RBFOX1: variants seen among roughly 807,000 people sequenced by gnomAD.
RBFOX1 encodes the protein RNA binding protein fox-1 homolog 1.
RBFOX1 carries 8 observed loss-of-function variants against 57.7 expected under a neutral mutation model. That is an observed-to-expected ratio of 0.14 (90% CI 0.08 to 0.25). RBFOX1 has a LOEUF of 0.25. RBFOX1 is among the 10% of genes least tolerant of loss of function. The pLI, the probability that RBFOX1 is intolerant of heterozygous loss-of-function variation, is 1.00. For synonymous variants in RBFOX1, 326 were observed against 222.4 expected, an observed-to-expected ratio of 1.47 and a Z score of -4.15; for missense variants, 611 against 548.5, an observed-to-expected ratio of 1.11 and a Z score of -1.14.
At chr16:6,585,910 A>G (rs1037592926) in intron 2 of RBFOX1, among the ~76,000 whole-genome samples, 4 of 152,214 alleles carry the variant, frequency 2.6e-5, no homozygotes, top group African/African-American at 4.8e-5. Flanking sequence ...AGTAGAGATC[A>G]TACGCAATTA....
intron 2 of RBFOX1, among the ~76,000 whole-genome samples, chr16:5,591,162 A>C (rs911584226): frequency 6.6e-6 from 1 of 152,158 alleles, no homozygotes; most frequent in Admixed American, 6.6e-5. Flanking sequence ...ATTTTCCTCA[A>C]TAATACATGC....
chr16:7,006,868 T>C (rs2093335717), intron 3 of RBFOX1, among the ~76,000 whole-genome samples: 1 of 152,232 alleles, frequency 6.6e-6, no homozygotes, highest in African/African-American at 2.4e-5. Flanking sequence ...CCTGCCATTT[T>C]CTGTCTGAGC....
chr16:7,106,016 C>G (rs1175446414), intron 4 of RBFOX1, among the ~76,000 whole-genome samples: 1 of 152,164 alleles, frequency 6.6e-6, no homozygotes, highest in East Asian at 1.9e-4. Context: ...TTTCTTACAG[C>G]ACAACTCTCT....
chr16:7,432,360 C>G (rs1405963717), intron 4 of RBFOX1, among the ~76,000 whole-genome samples: 3 of 152,184 alleles, frequency 2.0e-5, no homozygotes, highest in Admixed American at 1.3e-4. Context: ...CTCATCTTTA[C>G]TCTTTGAAAA....
intron 3 of RBFOX1, among the ~76,000 whole-genome samples, chr16:6,908,958 A>C (rs983320541): frequency 6.6e-6 from 1 of 152,170 alleles, no homozygotes; most frequent in African/African-American, 2.4e-5. Context: ...TCCCCCCAAC[A>C]CGCTCTCTCT....
At chr16:7,311,140 C>G (rs1188539582) in intron 4 of RBFOX1, among the ~76,000 whole-genome samples, 2 of 152,176 alleles carry the variant, frequency 1.3e-5, no homozygotes, top group African/African-American at 2.4e-5. Context: ...GCCATACATT[C>G]AACGTCTACA....
chr16:6,243,349 A>C (rs747713533), intron 1 of RBFOX1, among the ~76,000 whole-genome samples: 2 of 151,958 alleles, frequency 1.3e-5, no homozygotes, highest in Admixed American at 6.6e-5. Context: ...GATTCTTTAA[A>C]CTCCAAGTAC....
At chr16:6,637,303 ATATATAT>A (rs1423063572) in intron 2 of RBFOX1, among the ~76,000 whole-genome samples, 2 of 60,770 alleles carry the variant, frequency 3.3e-5, no homozygotes, top group African/African-American at 7.6e-5. Flanking sequence ...TAATATACAA[ATATATAT>A]TATATATTAT....
rs531467574 is a variant in RBFOX1 at position 5,434,870 on chromosome 16, T to C, written c.220-32346T>C. The stretch of plus-strand genomic sequence containing the variant: ...TTAAGCCTCCAGTTTTCACTGGCTT[T>C]ACATAGCATGTCTTGATTCCCCACA... On this transcript the variant is annotated intron_variant, in intron 1 of 2. Transcript: ENST00000585867. Among the ~76,000 whole-genome samples the C allele has an allele frequency of 1.2e-3, 184 of 151,202 alleles. 1 individual carries two copies. Among genetic ancestry groups the C allele is most frequent in the Non-Finnish European group, 2.1e-3 (142 of 67,884 alleles).
At chr16:6,764,234 C>T (rs916098132) in intron 3 of RBFOX1, among the ~76,000 whole-genome samples, 10 of 152,284 alleles carry the variant, frequency 6.6e-5, no homozygotes, top group African/African-American at 2.2e-4. Flanking sequence ...CAGCAGCTGG[C>T]ATGCAAATTG....
intron 2 of RBFOX1, among the ~76,000 whole-genome samples, chr16:5,554,392 TAAAA>T (rs1321541298): frequency 6.6e-6 from 1 of 152,090 alleles, no homozygotes; most frequent in African/African-American, 2.4e-5. Flanking sequence ...GTTTTAAAAA[TAAAA>T]AAATTAAAAT....
At chr16:7,006,755 T>C (rs1418735630) in intron 3 of RBFOX1, among the ~76,000 whole-genome samples, 1 of 152,170 alleles carries the variant, frequency 6.6e-6, no homozygotes, top group Non-Finnish European at 1.5e-5. Flanking sequence ...GCAATTAATT[T>C]GATTAAGAAA....
chr16:5,394,274 A>C (rs1471487748), intron 1 of RBFOX1, among the ~76,000 whole-genome samples: 1 of 152,118 alleles, frequency 6.6e-6, no homozygotes, highest in Non-Finnish European at 1.5e-5. Context: ...TGCCCGCCTC[A>C]GCCTCTCAAA....
rs8049166 is a variant in RBFOX1, at chr16:7,391,865, T to G, written c.28-126282T>G. On this transcript the variant is annotated intron_variant, in intron 4 of 15. Transcript: ENST00000550418. ...CACAACCAGCCTGTCCAGACACTGA[T>G]TCTTTTACGTAGGCTGAGATTCCTG... 7.7e-3 allele frequency among the ~76,000 whole-genome samples: 1,172 copies of G among 152,256 alleles called. 15 individuals are homozygous for G. Among genetic ancestry groups the G allele is most frequent in the African/African-American group, 0.027 (1,119 of 41,566 alleles).
At chr16:6,955,349 C>CACACAG (rs1555675595) in intron 3 of RBFOX1, among the ~76,000 whole-genome samples, 1 of 14,348 alleles carries the variant, frequency 7.0e-5, no homozygotes, top group Non-Finnish European at 1.4e-4. Context: ...CCCACATATG[C>CACACAG]ACACACACAC....
intron 3 of RBFOX1, among the ~76,000 whole-genome samples, chr16:6,798,599 T>G (rs1027165167): frequency 2.0e-5 from 3 of 152,188 alleles, no homozygotes; most frequent in Admixed American, 6.5e-5. Flanking sequence ...CAAAGACACA[T>G]ATATCTGTGC....
intron 10 of RBFOX1, among the ~76,000 whole-genome samples, chr16:7,620,807 T>G (rs1185363255): frequency 1.3e-5 from 2 of 152,190 alleles, no homozygotes; most frequent in Non-Finnish European, 2.9e-5. Flanking sequence ...CAAAACTGAC[T>G]TATAGTTCAG....
intron 1 of RBFOX1, among the ~76,000 whole-genome samples, chr16:5,459,021 C>G (rs2068713365): frequency 6.6e-6 from 1 of 152,182 alleles, no homozygotes; most frequent in Non-Finnish European, 1.5e-5. Flanking sequence ...TGTTCCATAT[C>G]CCATATCTCT....
intron 2 of RBFOX1, among the ~76,000 whole-genome samples, chr16:6,525,828 C>T (rs1473664444): frequency 2.0e-5 from 3 of 151,984 alleles, no homozygotes; most frequent in Non-Finnish European, 4.4e-5. Context: ...TTAAGCGCTT[C>T]ATAAAGGCAA....
Sources: allele counts gnomAD v4.1 joint callset (sites outside exome capture counted in the v4.1 genomes callset), GRCh38; gene constraint gnomAD v4.1.1; transcripts MANE v1.5; gene names NCBI Gene and HGNC (gene_info 2026-07-23, HGNC 2026-07-21).